Variants in ADGRV1 observed in about 807,000 individuals in gnomAD.
The protein encoded by ADGRV1 is G-protein coupled receptor 98.
In ADGRV1, 359 loss-of-function variants were observed where a neutral mutation model predicts 596.2. The ratio of observed to expected loss-of-function variants is 0.60; its 90% confidence interval spans 0.55 to 0.66. ADGRV1 has a LOEUF of 0.66. Ranked by LOEUF, ADGRV1 falls within the 30% of genes least tolerant of loss-of-function variation. ADGRV1 has a pLI of 0.00. For missense variants in ADGRV1, 7,274 were observed against 7,575.6 expected, an observed-to-expected ratio of 0.96 and a Z score of 1.48; for synonymous variants, 2,681 against 2,679.2, an observed-to-expected ratio of 1.00 and a Z score of -0.02.
chr5:90,797,303 A>AAAAAAAAAAC (rs1554119961), intron 70 of ADGRV1, among the ~76,000 whole-genome samples: 4 of 149,444 alleles, frequency 2.7e-5, no homozygotes, highest in Non-Finnish European at 4.5e-5. Flanking sequence ...AAAAAAAAAA[A>AAAAAAAAAAC]AAAAAAAAGC....
chr5:90,947,366 T>C (rs1200983999), intron 83 of ADGRV1, among the ~76,000 whole-genome samples: 1 of 152,170 alleles, frequency 6.6e-6, no homozygotes, highest in East Asian at 1.9e-4. Context: ...AAATTCCTTG[T>C]ATATTCTGGA....
chr5:90,889,884 A>G (rs1304334263), intron 83 of ADGRV1, among the ~76,000 whole-genome samples: 1 of 152,118 alleles, frequency 6.6e-6, no homozygotes, highest in African/African-American at 2.4e-5. Flanking sequence ...GCTGATGGAG[A>G]CTGAGTTTCT....
intron 1 of ADGRV1, among the ~76,000 whole-genome samples, chr5:90,571,930 A>G (rs1210335831): frequency 6.6e-6 from 1 of 152,132 alleles, no homozygotes; most frequent in East Asian, 1.9e-4. Flanking sequence ...GCCCTTGGTT[A>G]ATTTCTGAAG....
chr5:90,584,347 A>G (rs779851173), intron 1 of ADGRV1, among the ~76,000 whole-genome samples: 2 of 152,232 alleles, frequency 1.3e-5, no homozygotes, highest in Non-Finnish European at 1.5e-5. Context: ...GCTAGAGCTC[A>G]AGCTTCAGCC....
chr5:91,034,399 GTAATATGTCATGGTAGATTAT>G (rs1784708966), intron 85 of ADGRV1, among the ~76,000 whole-genome samples: 1 of 152,152 alleles, frequency 6.6e-6, no homozygotes, highest in Admixed American at 6.5e-5. Context: ...TTCAAGAAGG[GTAATATGTCATGGTAGATTAT>G]TAACATTAAT....
chr5:90,561,441 G>C (rs1428468392), intron 1 of ADGRV1, among the ~76,000 whole-genome samples: 1 of 152,034 alleles, frequency 6.6e-6, no homozygotes, highest in Admixed American at 6.6e-5. Context: ...GGTAAACTTG[G>C]TTATTAATTG....
intron 34 of ADGRV1, among the ~76,000 whole-genome samples, chr5:90,703,419 C>T (rs1199470984): frequency 6.6e-6 from 1 of 152,088 alleles, no homozygotes; most frequent in Non-Finnish European, 1.5e-5. Context: ...CCCATTTTAG[C>T]ATGTGCTTTT....
intron 59 of ADGRV1, among the ~76,000 whole-genome samples, chr5:90,764,688 A>G (rs1756899804): frequency 6.6e-6 from 1 of 152,080 alleles, no homozygotes; most frequent in African/African-American, 2.4e-5. Flanking sequence ...GCCCCCTGGG[A>G]CCCACCTGTC....
intron 70 of ADGRV1, among the ~76,000 whole-genome samples, chr5:90,796,587 G>A (rs1028729933): frequency 3.3e-5 from 5 of 152,162 alleles, no homozygotes; most frequent in African/African-American, 1.2e-4. Context: ...AACCTAGCAA[G>A]ACTGGCCAAC....
At chr5:90,593,458 G>C (rs977087553) in intron 1 of ADGRV1, among the ~76,000 whole-genome samples, 2 of 152,130 alleles carry the variant, frequency 1.3e-5, no homozygotes, top group African/African-American at 4.8e-5. Context: ...CCGTGGGGTG[G>C]GGGCTGGGGG....
chr5:90,662,539 C>G (rs1182041794), intron 21 of ADGRV1, among the ~76,000 whole-genome samples: 1 of 151,948 alleles, frequency 6.6e-6, no homozygotes, highest in Non-Finnish European at 1.5e-5. Context: ...TGTTATTTCT[C>G]TGTAAATTCA....
At chr5:91,021,082 A>G (rs1467862481) in intron 85 of ADGRV1, among the ~76,000 whole-genome samples, 1 of 152,090 alleles carries the variant, frequency 6.6e-6, no homozygotes, top group Non-Finnish European at 1.5e-5. Context: ...AAATCTTTCC[A>G]TATCAGAAAC....
At chr5:91,152,335 A>G (rs1248566838) in intron 88 of ADGRV1, among the ~76,000 whole-genome samples, 1 of 152,228 alleles carries the variant, frequency 6.6e-6, no homozygotes, top group Admixed American at 6.5e-5. Flanking sequence ...GAGGAATGCT[A>G]TGAAAGTATT....
intron 70 of ADGRV1, among the ~76,000 whole-genome samples, chr5:90,798,235 T>C (rs555098284): frequency 6.6e-6 from 1 of 152,056 alleles, no homozygotes; most frequent in African/African-American, 2.4e-5. Flanking sequence ...AAAAATGATA[T>C]AGGGGATATC....
At chr5:90,660,934 G>A (rs1005786417) in intron 21 of ADGRV1, among the ~76,000 whole-genome samples, 2 of 152,122 alleles carry the variant, frequency 1.3e-5, no homozygotes, top group African/African-American at 2.4e-5. Flanking sequence ...TACCAACCAG[G>A]TACACTATGT....
chr5:91,126,247 C>A (rs183541243), intron 87 of ADGRV1, among the ~76,000 whole-genome samples: 1 of 152,362 alleles, frequency 6.6e-6, no homozygotes, highest in Non-Finnish European at 1.5e-5. Flanking sequence ...CACTCCCCTT[C>A]CACAAATTCT....
intron 2 of ADGRV1, 60 bp from the exon 3 acceptor site, chr5:90,617,744 C>A: frequency 7.4e-7 from 1 of 1,358,054 alleles, no homozygotes; most frequent in South Asian, 1.3e-5. Context: ...TAATTAACAT[C>A]AGTTTTACTT....
chr5:90,916,599 G>T (rs531870856), intron 83 of ADGRV1, among the ~76,000 whole-genome samples: 109 of 149,622 alleles, frequency 7.3e-4, no homozygotes, highest in Non-Finnish European at 1.2e-3. Context: ...ATTTTATAGG[G>T]AATATTTTCC....
intron 75 of ADGRV1, among the ~76,000 whole-genome samples, chr5:90,821,652 C>T (rs1285978299): frequency 2.0e-5 from 3 of 151,748 alleles, no homozygotes; most frequent in African/African-American, 4.8e-5. Flanking sequence ...CCCTCAGCTG[C>T]AGGTCTGTTG....
Sources: gnomAD v4.1 joint callset for allele counts (sites outside exome capture counted in the v4.1 genomes callset) on GRCh38, gnomAD v4.1.1 for gene constraint, MANE v1.5 for transcripts, NCBI Gene and HGNC (gene_info 2026-07-23, HGNC 2026-07-21) for gene names.